Variants in FKBP1B observed in about 807,000 individuals in gnomAD.
The protein encoded by FKBP1B is peptidyl-prolyl cis-trans isomerase FKBP1B.
In FKBP1B, 4 loss-of-function variants were observed where a neutral mutation model predicts 13.5. That is an observed-to-expected ratio of 0.30 (90% CI 0.15 to 0.68). FKBP1B has a LOEUF of 0.68. Ranked by LOEUF, FKBP1B falls within the 30% of genes least tolerant of loss-of-function variation. The pLI, the probability that FKBP1B is intolerant of heterozygous loss-of-function variation, is 0.76. For missense variants in FKBP1B, 93 were observed against 136.2 expected, an observed-to-expected ratio of 0.68 and a Z score of 1.58; for synonymous variants, 54 against 53.6, an observed-to-expected ratio of 1.01 and a Z score of -0.03.
chr2:24,038,936 C>T, the FKBP1B span: 39 of 1,614,066 alleles, frequency 2.4e-5, no homozygotes, highest in East Asian at 4.5e-5. Flanking sequence ...GTCTTCTGAG[C>T]GCTGTCCCAA....
At chr2:24,058,279 T>C (rs141997349) in intron 2 of FKBP1B, among the ~76,000 whole-genome samples, 268 of 152,304 alleles carry the variant, frequency 1.8e-3, no homozygotes, top group African/African-American at 5.1e-3. Flanking sequence ...TTTATTATTC[T>C]ATCTTTCATA....
At chr2:24,039,548 A>T in the FKBP1B span, 1 of 1,552,840 alleles carries the variant, frequency 6.4e-7, no homozygotes, top group East Asian at 2.3e-5. Flanking sequence ...CACCATGAGA[A>T]ATCTAGACAA....
rs138242253 is a variant in FKBP1B at position 24,058,520 on chromosome 2, G to A, written c.86-2294G>A. ...GCTTAACTTGTAGCAATAGATAAAT[G>A]AAGTTATTTATCCAAAGTAGATTAA... is the stretch of plus-strand genomic sequence containing the variant. On this transcript the variant is annotated intron_variant, in intron 2 of 3. Coordinates refer to ENST00000380986, the MANE Select transcript of FKBP1B (RefSeq NM_004116.5). Among the ~76,000 whole-genome samples, 404 of 152,294 alleles carry A rather than the reference G, an allele frequency of 2.7e-3. 3 individuals carry two copies. Among genetic ancestry groups the A allele is most frequent in the African/African-American group, 9.0e-3 (372 of 41,564 alleles).
chr2:24,038,013 T>C, the FKBP1B span: 1 of 1,614,192 alleles, frequency 6.2e-7, no homozygotes, highest in Non-Finnish European at 8.5e-7. Flanking sequence ...CTTTAATAAG[T>C]GTTCTTCCAG....
At chr2:24,059,372 T>TGCGG (rs1553320914) in intron 2 of FKBP1B, among the ~76,000 whole-genome samples, 1 of 144,476 alleles carries the variant, frequency 6.9e-6, no homozygotes, top group Non-Finnish European at 1.5e-5. Flanking sequence ...GACCAGCACC[T>TGCGG]GGGGGGGGGT....
upstream of FKBP1B, among the ~76,000 whole-genome samples, chr2:24,048,416 A>G (rs6706434): frequency 0.18 from 26,140 of 147,988 alleles, 3,250 homozygotes; most frequent in African/African-American, 0.35. Flanking sequence ...GGTTGCAGTG[A>G]GCCGAGATTG....
chr2:24,048,559 C>A (rs1391492800), upstream of FKBP1B, among the ~76,000 whole-genome samples: 1 of 151,606 alleles, frequency 6.6e-6, no homozygotes, highest in Non-Finnish European at 1.5e-5. Flanking sequence ...CTCAAGCAAT[C>A]CTCCTGCCTC....
the FKBP1B span, chr2:24,038,722 C>T: frequency 6.7e-5 from 108 of 1,613,990 alleles, no homozygotes; most frequent in Middle Eastern, 4.9e-4. Flanking sequence ...ATCCATAGAG[C>T]GTACTTCACC....
the FKBP1B span, among the ~76,000 whole-genome samples, chr2:24,034,545 A>G: frequency 6.6e-6 from 1 of 151,868 alleles, no homozygotes; most frequent in Non-Finnish European, 1.5e-5. Flanking sequence ...TATAAACTAA[A>G]AAACTGAGGA....
rs1663818760 is a variant in FKBP1B, at chr2:24,050,504, C to G, written c.37+618C>G. The stretch of plus-strand genomic sequence containing the variant: ...GGCCTCCACATTGAAGCTTCTAAGC[C>G]CAGCCCTGCGACCTACGGCCGAACC... On this transcript the variant is annotated intron_variant, in intron 1 of 3. Coordinates refer to ENST00000380986, the MANE Select transcript of FKBP1B (RefSeq NM_004116.5). This position sits in a 1 kb window ranked among gnomAD's most constrained non-coding sequence, Gnocchi z 5.8. Among the ~76,000 whole-genome samples the G allele has an allele frequency of 1.3e-5, 2 of 152,104 alleles. No homozygotes were observed. The highest frequency in any genetic ancestry group is 2.4e-5 in the African/African-American group (1 of 41,418).
At chr2:24,045,237 T>C (rs916149551), upstream of FKBP1B, among the ~76,000 whole-genome samples, 5 of 152,066 alleles carry the variant, frequency 3.3e-5, no homozygotes, top group Admixed American at 3.3e-4. Context: ...AAAAAAGAAT[T>C]AAGGATAACA....
the FKBP1B span, among the ~76,000 whole-genome samples, chr2:24,044,660 A>G: frequency 6.6e-6 from 1 of 152,126 alleles, no homozygotes; most frequent in African/African-American, 2.4e-5. Flanking sequence ...CGCAGTGATA[A>G]TTACAAAAAT....
chr2:24,050,012 G>T lies in FKBP1B; in HGVS notation c.37+126G>T. 1.5e-6 allele frequency: 1 copy of T among 661,684 alleles called. No homozygotes were observed. The highest frequency in any genetic ancestry group is 2.2e-6 in the Non-Finnish European group (1 of 459,384). 41.0% of individuals were successfully genotyped at this position (661,684 alleles called of 1,614,324 possible). A position where few individuals can be genotyped will look rare whatever the true frequency, so the allele number is the denominator to read the frequency against. On this transcript the variant is annotated intron_variant, in intron 1 of 3. Coordinates refer to ENST00000380986, the MANE Select transcript of FKBP1B (RefSeq NM_004116.5). The surrounding 1 kb of genome is among the most constrained non-coding windows in gnomAD (Gnocchi z 5.8). ...TCGGGGGGCTGGATGGGGAAGGCAG[G>T]CGGAGACGCCGGACGGGATTCTTGG...
chr2:24,063,237 C>T lies in FKBP1B; in HGVS notation c.*45C>T, dbSNP rs1472408875. 3.0e-5 allele frequency: 46 copies of T among 1,516,122 alleles called. No individual in the cohort carries two copies. The highest frequency in any genetic ancestry group is 4.0e-5 in the Non-Finnish European group (45 of 1,132,896). The allele number at this position is 1,516,122 out of a possible 1,614,324, so 93.9% of individuals were successfully genotyped here. A position where few individuals can be genotyped will look rare whatever the true frequency, so the allele number is the denominator to read the frequency against. ...GTGGCTGGAGATGGCTGCTGCTCAC[C>T]CTCCTAGCCTGCTCTGCCACTGGGA... On this transcript the variant is annotated 3_prime_UTR_variant, in exon 4 of 4. Coordinates refer to ENST00000380986, the MANE Select transcript of FKBP1B (RefSeq NM_004116.5).
chr2:24,049,330 C>T (rs1415337840), upstream of FKBP1B, among the ~76,000 whole-genome samples: 1 of 152,166 alleles, frequency 6.6e-6, no homozygotes, highest in Non-Finnish European at 1.5e-5. Context: ...GATCGCGCCA[C>T]TGGACTCCAG....
At chr2:24,058,991 G>A (rs1044469019) in intron 2 of FKBP1B, among the ~76,000 whole-genome samples, 5 of 152,174 alleles carry the variant, frequency 3.3e-5, no homozygotes, top group African/African-American at 1.2e-4. Context: ...GAATTAGGAA[G>A]TAGCATCATA....
chr2:24,037,705 T>G, the FKBP1B span: 17 of 1,613,316 alleles, frequency 1.1e-5, no homozygotes, highest in Non-Finnish European at 1.4e-5. Context: ...ATAAGGAAGA[T>G]CTTGAGAGAG....
chr2:24,048,470 CAA>C (rs11367799), upstream of FKBP1B, among the ~76,000 whole-genome samples: 1,029 of 87,010 alleles, frequency 0.012, 9 homozygotes, highest in African/African-American at 0.04. Context: ...GATTCTGTCT[CAA>C]AAAAAAAAAA....
the FKBP1B span, chr2:24,038,497 T>A: frequency 6.2e-7 from 1 of 1,614,232 alleles, no homozygotes; most frequent in African/African-American, 1.3e-5. Flanking sequence ...AATAGTGACT[T>A]TTCTCGTCAT....
Sources: allele counts gnomAD v4.1 joint callset (sites outside exome capture counted in the v4.1 genomes callset), GRCh38; gene constraint gnomAD v4.1.1; non-coding constraint Gnocchi (gnomAD v3.1); transcripts MANE v1.5; gene names NCBI Gene and HGNC (gene_info 2026-07-23, HGNC 2026-07-21).